SP3: variants seen among roughly 807,000 people sequenced by gnomAD.
SP3 encodes Sp3 transcription factor.
Under a neutral mutation model 70.3 loss-of-function variants are expected in SP3, and 10 were observed. The ratio of observed to expected loss-of-function variants is 0.14; its 90% CI spans 0.09 to 0.24. The LOEUF (loss-of-function observed/expected upper bound fraction) is 0.24, where lower values mean the gene tolerates loss of function less well. Ranked by LOEUF, SP3 falls within the 10% of genes least tolerant of loss-of-function variation. The pLI is 1.00. For missense variants in SP3, 825 were observed against 914.6 expected (o/e 0.90, Z 1.26); for synonymous variants, 402 against 333.5 (o/e 1.21, Z -2.24).
chr2:173,965,620 C>A, upstream of SP3: 1 of 209,986 alleles, frequency 4.8e-6, no homozygotes, highest in South Asian at 5.8e-5. Context: ...AGGCCCGAGG[C>A]GCAGGCCTCC....
rs140859489 is a variant in SP3 at position 173,948,507 on chromosome 2, G to A, written c.1639+6366C>T. ...GTTTCAGGATCCACTGGGGGTCTTT[G>A]AACTATCCCTCACTGATAAGGGGGG... is the stretch of plus-strand genomic sequence containing the variant. On this transcript the variant is annotated intron_variant, in intron 4 of 6. Coordinates refer to ENST00000310015, the MANE Select transcript of SP3 (RefSeq NM_003111.5). Among the ~76,000 whole-genome samples, 77 of 152,144 alleles carry A rather than the reference G, an allele frequency of 5.1e-4. 1 individual carries two copies. The East Asian group carries it at 0.013, about 25-fold the overall frequency.
In SP3 at chr2:173,902,735, GAA is replaced by G. The variant is rs1432951299; in HGVS notation, c.*7204_*7205del. ...TTGTACAGAATGATACCATTTATAT[GAA>G]GTTTCAAAATCAGAAAAACAATCCT... On this transcript the variant is annotated 3_prime_UTR_variant, in exon 7 of 7. Coordinates refer to ENST00000310015, the MANE Select transcript of SP3 (RefSeq NM_003111.5). Among the ~76,000 whole-genome samples, 3 of 152,108 alleles carry G rather than the reference GAA, an allele frequency of 2.0e-5. No individual in the cohort carries two copies. The highest frequency in any genetic ancestry group is 7.2e-5 in the African/African-American group (3 of 41,432).
Position 173,955,075 on chromosome 2 carries a change from T to C in SP3, c.1437A>G (p.Ile479Met). ...TTATTTGTTGGGCAGCAGTATTCTGTATTTGCAAATTCTGCAAGTTCTGGA... is the reference window on the plus strand; with the variant it reads ...TTATTTGTTGGGCAGCAGTATTCTGCATTTGCAAATTCTGCAAGTTCTGGA... ...QGVQNLQNLQ[I>M]QNTAAQQITL... Residue 479 changes from isoleucine to methionine, a missense_variant, in exon 4 of 7, where the codon ATA becomes ATG. By Grantham distance (10) the Ile-to-Met change is conservative. Transcript: ENST00000310015. The C allele has an allele frequency of 1.2e-6, 2 of 1,614,196 alleles. No individual in the cohort carries two copies. The highest frequency in any genetic ancestry group is 1.7e-6 in the Non-Finnish European group (2 of 1,180,028).
At position 173,906,343 on chromosome 2, in the gene SP3, CTAAAT is replaced by C. The variant is rs2105448348; in HGVS notation, c.*3593_*3597del. 6.6e-6 allele frequency: 1 copy of C among 152,242 alleles called. No homozygotes were observed. The highest frequency in any genetic ancestry group is 2.4e-5 in the African/African-American group (1 of 41,536). 9.4% of individuals were successfully genotyped at this position (152,242 alleles called of 1,614,324 possible). A position where few individuals can be genotyped will look rare whatever the true frequency, so the allele number is the denominator to read the frequency against. The stretch of plus-strand genomic sequence containing the variant: ...AGGGGCCAATGTTGTTTCTTCAACA[CTAAAT>C]AAAATTATGAGGTGATTTCACAAAA... On this transcript the variant is annotated 3_prime_UTR_variant, in exon 7 of 7. Transcript: ENST00000310015.
intron 4 of SP3, among the ~76,000 whole-genome samples, chr2:173,945,651 T>C (rs1690515047): frequency 6.6e-6 from 1 of 152,198 alleles, no homozygotes; most frequent in African/African-American, 2.4e-5. Flanking sequence ...AAAACTCCAC[T>C]GTACACTACT....
intron 4 of SP3, among the ~76,000 whole-genome samples, chr2:173,923,196 T>C (rs908033135): frequency 1.2e-4 from 19 of 152,180 alleles, no homozygotes; most frequent in African/African-American, 4.1e-4. Flanking sequence ...TCCTTTTCAT[T>C]TGATGAGTTA....
chr2:173,920,636 C>T (rs1341745653), intron 4 of SP3, among the ~76,000 whole-genome samples: 2 of 151,960 alleles, frequency 1.3e-5, no homozygotes, highest in African/African-American at 4.8e-5. Flanking sequence ...TAAGCAGAGT[C>T]TTGCTCTGTG....
intron 6 of SP3, 113 bp from the exon 7 acceptor site, chr2:173,910,370 G>T: frequency 1.3e-6 from 1 of 768,484 alleles, no homozygotes; most frequent in East Asian, 2.7e-5. Flanking sequence ...TGGGAGCAGG[G>T]GTCTATTAAA....
In SP3 at chr2:173,951,932, GCTTT is replaced by G. The variant is rs939062073; in HGVS notation, c.1639+2937_1639+2940del. On this transcript the variant is annotated intron_variant, in intron 4 of 6. Coordinates refer to ENST00000310015, the MANE Select transcript of SP3 (RefSeq NM_003111.5). ...TACATTAAAATACAGTATCAAAAAA[GCTTT>G]GTTAGTATCACTATCCATCTCATCA... Among the ~76,000 whole-genome samples, 36 of 152,140 alleles carry G rather than the reference GCTTT, an allele frequency of 2.4e-4. 1 individual carries two copies. The highest frequency in any genetic ancestry group is 8.4e-4 in the African/African-American group (35 of 41,434).
intron 4 of SP3, among the ~76,000 whole-genome samples, chr2:173,933,673 A>ATATATATAT (rs1559098593): frequency 6.3e-4 from 39 of 61,634 alleles, no homozygotes; most frequent in African/African-American, 1.7e-3. Flanking sequence ...TATATATATA[A>ATATATATAT]AAGTTATAAA....
chr2:173,955,614 C>T lies in SP3; in HGVS notation c.898G>A (p.Gly300Arg). 6.2e-7 allele frequency: 1 copy of T among 1,614,134 alleles called. No individual in the cohort carries two copies. The highest frequency in any genetic ancestry group is 8.5e-7 in the Non-Finnish European group (1 of 1,180,030). Residue 300 changes from glycine to arginine, a missense_variant, in exon 4 of 7, where the codon GGA becomes AGA. Coordinates refer to ENST00000310015, the MANE Select transcript of SP3 (RefSeq NM_003111.5). ...INADGHLINT[G>R]QAMDSSDNSE... is the part of the protein sequence containing the mutation. ...TTGTCTGAACTATCCATAGCTTGTC[C>T]TGTGTTTATCAAATGTCCGTCGGCA...
At position 173,909,652 on chromosome 2, in the gene SP3, G is replaced by C. The variant is rs1559087817; in HGVS notation, c.*289C>G. ...TAAACCACACAGGATTGATGCATTT[G>C]GTTAGACTACCATTCGCATTGTTAA... On this transcript the variant is annotated 3_prime_UTR_variant, in exon 7 of 7. Coordinates refer to ENST00000310015, the MANE Select transcript of SP3 (RefSeq NM_003111.5). The C allele has an allele frequency of 1.2e-5, 3 of 243,256 alleles. No homozygotes were observed. In the East Asian group the frequency reaches 3.5e-4, roughly 28 times the overall value. 15.1% of individuals were successfully genotyped at this position (243,256 alleles called of 1,614,324 possible).
At chr2:173,952,454 G>C (rs1690736015) in intron 4 of SP3, among the ~76,000 whole-genome samples, 1 of 152,164 alleles carries the variant, frequency 6.6e-6, no homozygotes, top group African/African-American at 2.4e-5. Context: ...GCGCTAGAGA[G>C]AAATTGGGAC....
At position 173,909,931 on chromosome 2, in the gene SP3, T is replaced by G. The variant is rs1478210208; in HGVS notation, c.*10A>C. 6 of 1,603,496 alleles carry G rather than the reference T, an allele frequency of 3.7e-6. No individual in the cohort carries two copies. The highest frequency in any genetic ancestry group is 5.1e-6 in the Non-Finnish European group (6 of 1,170,722). Reference sequence around the variant, plus strand: ...AAAATAACCACAATGAATAAGTATTTGTGTAATATTTACTCCATTGTCTCA... The same window carrying G: ...AAAATAACCACAATGAATAAGTATTGGTGTAATATTTACTCCATTGTCTCA... On this transcript the variant is annotated 3_prime_UTR_variant, in exon 7 of 7. Transcript: ENST00000310015.
At chr2:173,927,383 TCTC>T (rs2105468377) in intron 4 of SP3, among the ~76,000 whole-genome samples, 1 of 151,472 alleles carries the variant, frequency 6.6e-6, no homozygotes, top group South Asian at 2.1e-4. Flanking sequence ...TTCAAGCAAT[TCTC>T]CTATCTCAGC....
intron 4 of SP3, among the ~76,000 whole-genome samples, chr2:173,942,934 T>C (rs1470902168): frequency 2.0e-5 from 3 of 152,178 alleles, no homozygotes; most frequent in Non-Finnish European, 4.4e-5. Context: ...TTACATTATA[T>C]TAGGTATTAT....
rs775315571 is a variant in SP3, at chr2:173,907,619, T to C, written c.*2322A>G. On this transcript the variant is annotated 3_prime_UTR_variant, in exon 7 of 7. Coordinates refer to ENST00000310015, the MANE Select transcript of SP3 (RefSeq NM_003111.5). ...GATTCAAAGTACACCATAAACTTAC[T>C]GTAAAAATCCAGTATTACTTAAAAC... The C allele has an allele frequency of 3.3e-5, 5 of 152,144 alleles. No homozygotes were observed. In the South Asian group the frequency reaches 6.2e-4, roughly 19 times the overall value. The allele number at this position is 152,144 out of a possible 1,614,324, so 9.4% of individuals were successfully genotyped here.
intron 4 of SP3, among the ~76,000 whole-genome samples, chr2:173,919,734 C>T (rs891706379): frequency 2.0e-5 from 3 of 152,130 alleles, no homozygotes; most frequent in African/African-American, 4.8e-5. Context: ...TGTGGAACAA[C>T]TGAAACTCCC....
chr2:173,943,232 C>A (rs1004893121), intron 4 of SP3, among the ~76,000 whole-genome samples: 1 of 152,144 alleles, frequency 6.6e-6, no homozygotes, highest in African/African-American at 2.4e-5. Context: ...AATCCAATTT[C>A]CCTACCATGG....
Sources: allele counts gnomAD v4.1 joint callset (sites outside exome capture counted in the v4.1 genomes callset), GRCh38; gene constraint gnomAD v4.1.1; transcripts MANE v1.5; gene names NCBI Gene and HGNC (gene_info 2026-07-23, HGNC 2026-07-21).